USP7: variants seen among roughly 807,000 people sequenced by gnomAD.
USP7 encodes the protein ubiquitin C-terminal hydrolase 7.
In USP7, 9 loss-of-function variants were observed where a neutral mutation model predicts 162.9. The observed-to-expected ratio is 0.06, with a 90% CI of 0.03 to 0.10. The LOEUF (loss-of-function observed/expected upper bound fraction) is 0.10. Among genes scored for constraint, USP7 ranks in the 10% least tolerant of loss-of-function variants. The probability of loss-of-function intolerance (pLI) is 1.00; values close to 1 mark genes in which losing one functional copy is unlikely to be tolerated. For missense variants in USP7, 715 were observed against 1,373.7 expected, an observed-to-expected ratio of 0.52 and a Z score of 7.58; for synonymous variants, 562 against 475.9, an observed-to-expected ratio of 1.18 and a Z score of -2.35.
chr16:8,963,286 G>A lies in USP7; in HGVS notation c.-1C>T, dbSNP rs2141272809. ...GCTGCTGCTGCTGCTGGTGGTTCAT[G>A]TCGGCCGCGGCCTGGGCCTCGCCTG... On this transcript the variant is annotated 5_prime_UTR_variant, in exon 1 of 31. Transcript: ENST00000344836. The A allele has an allele frequency of 2.3e-6, 3 of 1,301,926 alleles. No homozygotes were observed. The highest frequency in any genetic ancestry group is 3.0e-6 in the Non-Finnish European group (3 of 1,006,284). 80.6% of individuals were successfully genotyped at this position (1,301,926 alleles called of 1,614,324 possible).
chr16:8,953,309 T>C (rs1012771755), intron 1 of USP7, among the ~76,000 whole-genome samples: 1 of 151,564 alleles, frequency 6.6e-6, no homozygotes, highest in African/African-American at 2.4e-5. Context: ...CCATCCGGGG[T>C]AGAGTTGAGA....
In USP7 at chr16:8,930,404, A is replaced by G. The variant is rs758258556; in HGVS notation, c.80-7T>C. The G allele has an allele frequency of 3.8e-6, 6 of 1,596,058 alleles. No individual in the cohort carries two copies. Among genetic ancestry groups the G allele is most frequent in the South Asian group, 1.1e-5 (1 of 89,038 alleles). On this transcript the variant is annotated splice_polypyrimidine_tract_variant and splice_region_variant and intron_variant, in intron 1 of 30. Transcript: ENST00000344836. ...GGGTCATCTGTATCTCCCGCTTTAA[A>G]GAAGAAAAAGAAATTCCACGGGTTT...
chr16:8,918,732 C>T lies in USP7; in HGVS notation c.720+299G>A, dbSNP rs145648364. On this transcript the variant is annotated intron_variant, in intron 6 of 30. Transcript: ENST00000344836. Reference sequence around the variant, plus strand: ...GCTGAGGCCAGAGAATCACTTGAACCCAGGAGACAGAGGCTGCAGTGAGCC... The same window carrying T: ...GCTGAGGCCAGAGAATCACTTGAACTCAGGAGACAGAGGCTGCAGTGAGCC... Among the ~76,000 whole-genome samples, 692 of 152,274 alleles carry T rather than the reference C, an allele frequency of 4.5e-3. 5 individuals carry two copies. The highest frequency in any genetic ancestry group is 0.015 in the African/African-American group (623 of 41,554).
At chr16:8,946,597 AACTC>A (rs1411972652) in intron 1 of USP7, among the ~76,000 whole-genome samples, 8 of 152,202 alleles carry the variant, frequency 5.3e-5, no homozygotes, top group Non-Finnish European at 1.0e-4. Flanking sequence ...AGCTGGACAA[AACTC>A]AACTAAAAAG....
At chr16:8,917,724 A>T (rs1365482753) in intron 6 of USP7, among the ~76,000 whole-genome samples, 1 of 152,078 alleles carries the variant, frequency 6.6e-6, no homozygotes, top group Admixed American at 6.5e-5. Context: ...AAAAGTAAAC[A>T]AAAAACAAAA....
At chr16:8,942,681 G>A (rs780248709) in intron 1 of USP7, among the ~76,000 whole-genome samples, 1 of 152,110 alleles carries the variant, frequency 6.6e-6, no homozygotes, top group Non-Finnish European at 1.5e-5. Context: ...TTGAGCAGCT[G>A]GGACTACAGG....
intron 1 of USP7, among the ~76,000 whole-genome samples, chr16:8,944,990 G>A (rs550749403): frequency 2.2e-4 from 34 of 152,128 alleles, no homozygotes; most frequent in Non-Finnish European, 4.6e-4. Context: ...AGTGGCTCAC[G>A]CCTGTAATCC....
At chr16:8,911,917 G>A (rs924171874) in intron 10 of USP7, among the ~76,000 whole-genome samples, 2 of 152,198 alleles carry the variant, frequency 1.3e-5, no homozygotes, top group Non-Finnish European at 2.9e-5. Context: ...GTTCCCACCA[G>A]CCACCGTGGA....
intron 22 of USP7, 124 bp from the exon 23 acceptor site, chr16:8,899,312 A>G (rs956293748): frequency 1.1e-6 from 1 of 902,516 alleles, no homozygotes; most frequent in Non-Finnish European, 1.7e-6. Flanking sequence ...AAATTTATTA[A>G]ACAGGAATAA....
chr16:8,897,746 T>TATATATATATATATATATAA lies in USP7; in HGVS notation c.2718+613_2718+614insTTATATATATATATATATAT, dbSNP rs71155416. ...AAAAAAATATATATATATATATATA[T>TATATATATATATATATATAA]AAATGAGTTGGGCGTGGTGACATAC... On this transcript the variant is annotated intron_variant, in intron 25 of 30. Transcript: ENST00000344836. 1.6e-4 allele frequency among the ~76,000 whole-genome samples: 16 copies of TATATATATATATATATATAA among 103,018 alleles called. 1 individual carries two copies. The highest frequency in any genetic ancestry group is 6.4e-4 in the African/African-American group (16 of 25,050). The allele number at this position is 103,018 out of a possible 152,430, so 67.6% of individuals were successfully genotyped here. A position where few individuals can be genotyped will look rare whatever the true frequency, so the allele number is the denominator to read the frequency against.
At chr16:8,936,716 CT>C in intron 1 of USP7, 1 of 1,415,876 alleles carries the variant, frequency 7.1e-7, no homozygotes, top group Non-Finnish European at 9.2e-7. Context: ...CCTCAGCATT[CT>C]TTTTTATTTT....
At chr16:8,939,952 G>C (rs981565940) in intron 1 of USP7, among the ~76,000 whole-genome samples, 11 of 152,128 alleles carry the variant, frequency 7.2e-5, no homozygotes, top group Non-Finnish European at 1.0e-4. Flanking sequence ...ACAAAAATTA[G>C]CCAAGCATGG....
rs763784425 is a variant in USP7, at chr16:8,921,299, T to C, written c.384-4A>G. ...TTGTGCATGGCAAGACCATGACCTG[T>C]TTAAAAGAATAATCTGAGCCTTAGT... On this transcript the variant is annotated splice_polypyrimidine_tract_variant and splice_region_variant and intron_variant, in intron 3 of 30. Transcript: ENST00000344836. 6 of 1,612,080 alleles carry C rather than the reference T, an allele frequency of 3.7e-6. No homozygotes were observed. Among genetic ancestry groups the C allele is most frequent in the African/African-American group, 1.3e-5 (1 of 75,012 alleles).
chr16:8,910,955 C>A (rs2061937351), intron 10 of USP7, 128 bp from the exon 11 acceptor site: 2 of 755,608 alleles, frequency 2.6e-6, no homozygotes. Flanking sequence ...AACAGTAACT[C>A]TCCCCCTGTA....
Position 8,917,022 on chromosome 16 carries a change from A to G in USP7, c.851+4T>C. The G allele has an allele frequency of 3.8e-6, 6 of 1,599,548 alleles. No individual in the cohort carries two copies. The highest frequency in any genetic ancestry group is 5.1e-6 in the Non-Finnish European group (6 of 1,175,776). On this transcript the variant is annotated splice_donor_region_variant and intron_variant, in intron 7 of 30. Transcript: ENST00000344836. ...AATGGCAAAGGCAGATGTCTAATAC[A>G]TACCCAAATGACTTTGTTAACTTTT...
At chr16:8,958,851 T>C (rs935037393) in intron 1 of USP7, among the ~76,000 whole-genome samples, 1 of 152,248 alleles carries the variant, frequency 6.6e-6, no homozygotes, top group African/African-American at 2.4e-5. Context: ...TTAAAATCCC[T>C]ATTCAAGCAC....
At chr16:8,900,671 C>A in intron 20 of USP7, 41 bp from the exon 21 acceptor site, 2 of 1,466,518 alleles carry the variant, frequency 1.4e-6, no homozygotes, top group South Asian at 1.2e-5. Context: ...GCAAGTTTGT[C>A]TAACGTTTAA....
At chr16:8,913,635 C>A (rs1400380155) in intron 10 of USP7, among the ~76,000 whole-genome samples, 1 of 152,020 alleles carries the variant, frequency 6.6e-6, no homozygotes, top group Non-Finnish European at 1.5e-5. Context: ...CTCATCTCAG[C>A]CGACCCGCAC....
At position 8,963,566 on chromosome 16, in the gene USP7, G is replaced by GGCCGCT. The variant is rs1900110061; in HGVS notation, c.-282_-281insAGCGGC. On this transcript the variant is annotated 5_prime_UTR_variant, in exon 1 of 31. Coordinates refer to ENST00000344836, the MANE Select transcript of USP7 (RefSeq NM_003470.3). ...GCCGGGCGGCCTCGTCGCTCGCTGC[G>GGCCGCT]GCCGCCGCCGCCGCCGCCGCGGGGC... 2 of 133,294 alleles carry GGCCGCT rather than the reference G, an allele frequency of 1.5e-5. No individual in the cohort carries two copies. The highest frequency in any genetic ancestry group is 5.4e-5 in the African/African-American group (2 of 37,044). The allele number at this position is 133,294 out of a possible 1,614,324, so 8.3% of individuals were successfully genotyped here.
Sources: gnomAD v4.1 joint callset for allele counts (sites outside exome capture counted in the v4.1 genomes callset) on GRCh38, gnomAD v4.1.1 for gene constraint, MANE v1.5 for transcripts, NCBI Gene and HGNC (gene_info 2026-07-23, HGNC 2026-07-21) for gene names.